Variants in FAM120B observed in about 807,000 individuals in gnomAD.
FAM120B encodes constitutive coactivator of peroxisome proliferator-activated receptor gamma.
FAM120B carries 83 observed loss-of-function variants against 96.3 expected under a neutral mutation model. That is an observed-to-expected ratio of 0.86 (90% CI 0.72 to 1.03). FAM120B has a LOEUF of 1.03. Ranked by LOEUF, FAM120B falls within the 50% of genes least tolerant of loss-of-function variation. FAM120B has a pLI of 0.00. For synonymous variants in FAM120B, 407 were observed against 402.7 expected (o/e 1.01, Z -0.13); for missense variants, 1,027 against 1,121.2 (o/e 0.92, Z 1.20).
intron 1 of FAM120B, among the ~76,000 whole-genome samples, chr6:170,308,160 T>C (rs1005497543): frequency 2.0e-5 from 3 of 152,184 alleles, no homozygotes; most frequent in African/African-American, 7.2e-5. Context: ...TGATACCTTC[T>C]TCATCCCATT....
At chr6:170,322,527 G>A (rs1269305087) in intron 2 of FAM120B, among the ~76,000 whole-genome samples, 1 of 152,164 alleles carries the variant, frequency 6.6e-6, no homozygotes, top group East Asian at 1.9e-4. Context: ...CTCTTGAGGA[G>A]CAATGAAGAT....
chr6:170,370,318 C>A lies in FAM120B; in HGVS notation c.2283+12000C>A, dbSNP rs1048664611. ...CTTTTCTGAGACGCAGCTACGTCCC[C>A]GAGCTCTTTGTGGAAGACAGGGAAA... is the stretch of plus-strand genomic sequence containing the variant. On this transcript the variant is annotated intron_variant, in intron 6 of 10. Transcript: ENST00000476287. This position sits in a 1 kb window ranked among gnomAD's most constrained non-coding sequence, Gnocchi z 4.3. Among the ~76,000 whole-genome samples the A allele has an allele frequency of 6.6e-6, 1 of 152,216 alleles. No homozygotes were observed.
chr6:170,295,333 C>A lies in FAM120B; in HGVS notation c.-73C>A. ...CAGATGTGTTCACACTCGGTTGCCG[C>A]GCGTGGACTTACAAGCCCACGAAGC... is the stretch of plus-strand genomic sequence containing the variant. On this transcript the variant is annotated 5_prime_UTR_variant, in exon 1 of 11. Transcript: ENST00000537664. The surrounding 1 kb of genome is among the most constrained non-coding windows in gnomAD (Gnocchi z 7.8). 1.4e-6 allele frequency: 1 copy of A among 696,912 alleles called. No homozygotes were observed. Among genetic ancestry groups the A allele is most frequent in the Admixed American group, 2.0e-5 (1 of 49,598 alleles). 43.2% of individuals were successfully genotyped at this position (696,912 alleles called of 1,614,324 possible).
upstream of FAM120B, among the ~76,000 whole-genome samples, chr6:170,292,341 TG>T (rs923091754): frequency 5.3e-5 from 8 of 152,258 alleles, no homozygotes; most frequent in East Asian, 9.7e-4. This position sits in a 1 kb window ranked among gnomAD's most constrained non-coding sequence, Gnocchi z 6.6. Flanking sequence ...AGAAGTAAGT[TG>T]GGGCAGAGAC....
intron 4 of FAM120B, among the ~76,000 whole-genome samples, chr6:170,331,569 AAAG>A (rs1786037676): frequency 6.6e-6 from 1 of 152,198 alleles, no homozygotes; most frequent in Non-Finnish European, 1.5e-5. Context: ...GCATTTTTTT[AAAG>A]GATAGCCAAA....
intron 6 of FAM120B, among the ~76,000 whole-genome samples, chr6:170,365,091 G>A (rs547041233): frequency 1.3e-5 from 2 of 152,338 alleles, no homozygotes; most frequent in East Asian, 1.9e-4. Context: ...TACTCCTGCC[G>A]AAACCCCCAG....
chr6:170,380,755 T>C (rs9366145), intron 6 of FAM120B, among the ~76,000 whole-genome samples: 15,697 of 152,302 alleles, frequency 0.1, 1,030 homozygotes, highest in East Asian at 0.2. Flanking sequence ...TAGCCCCTTA[T>C]TAGATGCATG....
At position 170,311,761 on chromosome 6, in the gene FAM120B, A is replaced by C. The variant is rs562469196; in HGVS notation, c.-22+4919A>C. Among the ~76,000 whole-genome samples, 7 of 152,332 alleles carry C rather than the reference A, an allele frequency of 4.6e-5. No individual in the cohort carries two copies. In the East Asian group the frequency reaches 1.3e-3, roughly 29 times the overall value. Reference sequence around the variant, plus strand: ...TGTCTAACATAAAGGTGCTTGCTGAATGAGTAAGCCAAATTTATTTTCAAA... The same window carrying C: ...TGTCTAACATAAAGGTGCTTGCTGACTGAGTAAGCCAAATTTATTTTCAAA... On this transcript the variant is annotated intron_variant, in intron 1 of 10. Transcript: ENST00000476287.
chr6:170,323,829 A>T (rs552284070), intron 3 of FAM120B, among the ~76,000 whole-genome samples: 1 of 152,204 alleles, frequency 6.6e-6, no homozygotes, highest in Admixed American at 6.5e-5. Flanking sequence ...TTTAACCCCA[A>T]GGAGAAAGTT....
intron 5 of FAM120B, 64 bp from the exon 6 acceptor site, chr6:170,358,162 C>G: frequency 7.3e-7 from 1 of 1,363,518 alleles, no homozygotes; most frequent in East Asian, 2.5e-5. Flanking sequence ...TAACTGAGAT[C>G]AATTTGTAAG....
At chr6:170,361,249 T>A in intron 6 of FAM120B, among the ~76,000 whole-genome samples, 1 of 139,634 alleles carries the variant, frequency 7.2e-6, no homozygotes, top group East Asian at 2.3e-4. Flanking sequence ...CGTATATATA[T>A]ATATACGTGT....
chr6:170,398,106 G>A (rs1195386695), intron 9 of FAM120B, among the ~76,000 whole-genome samples: 2 of 152,246 alleles, frequency 1.3e-5, no homozygotes, highest in African/African-American at 4.8e-5. Flanking sequence ...AGGTGTGCCT[G>A]CCTGTCACAG....
rs536982452 is a variant in FAM120B at position 170,328,590 on chromosome 6, G to C, written c.1916-1859G>C. ...CTTTGCAATTCCTCTCCTGTTTGCT[G>C]GATTTTGAGTAAGGTTCACTCCTGC... On this transcript the variant is annotated intron_variant, in intron 3 of 10. Coordinates refer to ENST00000476287, the MANE Select transcript of FAM120B (RefSeq NM_032448.3). 5.9e-5 allele frequency among the ~76,000 whole-genome samples: 9 copies of C among 152,028 alleles called. No individual in the cohort carries two copies. In the South Asian group the frequency reaches 1.5e-3, roughly 25 times the overall value.
At chr6:170,291,047 C>A, upstream of FAM120B, 1 of 701,978 alleles carries the variant, frequency 1.4e-6, no homozygotes, top group Non-Finnish European at 2.6e-6. Context: ...CTTTTCCAAA[C>A]CCTCCTCTCA....
In FAM120B at chr6:170,388,428, CT is replaced by C. The variant is rs1790314178; in HGVS notation, c.2430del (p.His811IlefsTer17). On this transcript the variant is annotated frameshift_variant, in exon 7 of 11. Coordinates refer to ENST00000476287, the MANE Select transcript of FAM120B (RefSeq NM_032448.3). LOFTEE classifies it high-confidence loss of function. ...GCCCTGGAATGTATTTGACGGGAAGCTTTTTCATCAGAAGTACTTGCAATCT... is the reference window on the plus strand; with the variant it reads ...GCCCTGGAATGTATTTGACGGGAAGCTTTTCATCAGAAGTACTTGCAATCT... Reference protein sequence around the residue: ...FMPWNVFDGKLFHQKYLQSEK... With the variant: ...FMPWNVFDGKXFHQKYLQSEK... The C allele has an allele frequency of 6.2e-7, 1 of 1,614,030 alleles. No homozygotes were observed. Among genetic ancestry groups the C allele is most frequent in the Admixed American group, 1.7e-5 (1 of 59,998 alleles).
intron 7 of FAM120B, among the ~76,000 whole-genome samples, chr6:170,390,325 C>T (rs912383835): frequency 2.0e-5 from 3 of 152,154 alleles, no homozygotes; most frequent in African/African-American, 7.2e-5. Flanking sequence ...GAGAAATGTG[C>T]TTCTAATAAG....
At position 170,370,539 on chromosome 6, in the gene FAM120B, G is replaced by T. The variant is rs1328659810; in HGVS notation, c.2283+12221G>T. ...TGAGTTCTTTGAAGTTCTTCTGGGG[G>T]TTAAACCTAAACTCAGAAGCCAGAA... is the stretch of plus-strand genomic sequence containing the variant. On this transcript the variant is annotated intron_variant, in intron 6 of 10. Transcript: ENST00000476287. This position sits in a 1 kb window ranked among gnomAD's most constrained non-coding sequence, Gnocchi z 4.3. Among the ~76,000 whole-genome samples the T allele has an allele frequency of 6.6e-6, 1 of 152,076 alleles. No homozygotes were observed. The highest frequency in any genetic ancestry group is 1.5e-5 in the Non-Finnish European group (1 of 68,030).
At position 170,317,737 on chromosome 6, in the gene FAM120B, T is replaced by C; in HGVS notation, c.347T>C (p.Phe116Ser). 1 of 1,614,132 alleles carries C rather than the reference T, an allele frequency of 6.2e-7. No homozygotes were observed. Among genetic ancestry groups the C allele is most frequent in the Non-Finnish European group, 8.5e-7 (1 of 1,179,972 alleles). The stretch of plus-strand genomic sequence containing the variant: ...AACAACAGGGAGATATCCAGGATTT[T>C]TCATTACATCAAGTCACACAAGGAG... ...LKNNREISRI[F>S]HYIKSHKEQP... Residue 116 changes from phenylalanine to serine, a missense_variant, in exon 2 of 11, where the codon TTT becomes TCT. Coordinates refer to ENST00000476287, the MANE Select transcript of FAM120B (RefSeq NM_032448.3).
intron 5 of FAM120B, among the ~76,000 whole-genome samples, chr6:170,348,621 G>C (rs1434547743): frequency 6.6e-6 from 1 of 152,152 alleles, no homozygotes; most frequent in Non-Finnish European, 1.5e-5. Context: ...GTGGACCATA[G>C]TGTACCTCCT....
Sources: allele counts gnomAD v4.1 joint callset (sites outside exome capture counted in the v4.1 genomes callset), GRCh38; gene constraint gnomAD v4.1.1; non-coding constraint Gnocchi (gnomAD v3.1); transcripts MANE v1.5; gene names NCBI Gene and HGNC (gene_info 2026-07-23, HGNC 2026-07-21).